Variants in CSMD1 observed in about 807,000 individuals in gnomAD.
CSMD1 encodes CUB and sushi domain-containing protein 1.
CSMD1 carries 213 observed loss-of-function variants against 417.5 expected under a neutral mutation model. The ratio of observed to expected loss-of-function variants is 0.51; its 90% CI spans 0.46 to 0.57. The LOEUF is 0.57. Among genes scored for constraint, CSMD1 ranks in the 20% least tolerant of loss-of-function variants. CSMD1 has a pLI of 0.00. For missense variants in CSMD1, 6,923 were observed against 4,529.7 expected, an observed-to-expected ratio of 1.53 and a Z score of -15.17; for synonymous variants, 2,862 against 1,736.8, an observed-to-expected ratio of 1.65 and a Z score of -16.11.
chr8:4,260,888 G>A (rs1009172334), intron 3 of CSMD1, among the ~76,000 whole-genome samples: 7 of 152,256 alleles, frequency 4.6e-5, no homozygotes, highest in East Asian at 1.9e-4. Flanking sequence ...TGTCGTGTTT[G>A]ATATTATGAT....
At chr8:4,860,441 C>A (rs1802063005) in intron 1 of CSMD1, among the ~76,000 whole-genome samples, 1 of 151,834 alleles carries the variant, frequency 6.6e-6, no homozygotes, top group East Asian at 1.9e-4. Flanking sequence ...CCACTCCACC[C>A]TTGCTCTCTT....
intron 5 of CSMD1, among the ~76,000 whole-genome samples, chr8:3,894,903 G>T (rs534338335): frequency 1.3e-5 from 2 of 152,112 alleles, no homozygotes; most frequent in South Asian, 4.1e-4. Flanking sequence ...ATTACAGTGG[G>T]TTCCTAGTAT....
chr8:3,821,746 C>G (rs1441863670), intron 5 of CSMD1, among the ~76,000 whole-genome samples: 1 of 152,190 alleles, frequency 6.6e-6, no homozygotes, highest in Non-Finnish European at 1.5e-5. Flanking sequence ...CGCACCACTG[C>G]ACTCCAGCCT....
At chr8:3,961,859 C>T (rs1294233946) in intron 5 of CSMD1, among the ~76,000 whole-genome samples, 2 of 152,264 alleles carry the variant, frequency 1.3e-5, no homozygotes, top group Admixed American at 1.3e-4. Flanking sequence ...AGAGATGTCC[C>T]TTTAGTCCTA....
chr8:3,546,936 C>A (rs1798691929), intron 10 of CSMD1, among the ~76,000 whole-genome samples: 2 of 152,160 alleles, frequency 1.3e-5, no homozygotes, highest in South Asian at 4.1e-4. Flanking sequence ...GGGAGGATAT[C>A]AGAGGTCTTG....
intron 3 of CSMD1, among the ~76,000 whole-genome samples, chr8:4,198,562 A>G (rs1323519438): frequency 6.6e-6 from 1 of 152,130 alleles, no homozygotes; most frequent in African/African-American, 2.4e-5. Context: ...ACTTTCAGGA[A>G]CGTGCACAAG....
chr8:3,708,466 T>A lies in CSMD1; in HGVS notation c.957A>T (p.Ser319=). ...FQVKKAIELK[S]RGVKMLPSKD... ...TGCTGGGCAGCATCTTGACTCCTCT[T>A]GACTTCAACTCAATCGCCTTTTTCA... Residue 319 remains serine, a synonymous_variant, in exon 7 of 70, where the codon TCA becomes TCT. Transcript: ENST00000635120. 2 of 1,613,950 alleles carry A rather than the reference T, an allele frequency of 1.2e-6. No homozygotes were observed. Among genetic ancestry groups the A allele is most frequent in the Non-Finnish European group, 1.7e-6 (2 of 1,179,872 alleles).
At chr8:2,962,378 T>C (rs1048442659) in intron 61 of CSMD1, 88 bp downstream of exon 61, 73 of 1,189,080 alleles carry the variant, frequency 6.1e-5, no homozygotes, top group Non-Finnish European at 8.0e-5. Context: ...ACACTTTCTA[T>C]GTAATCACAA....
chr8:4,013,112 G>A (rs577128103), intron 4 of CSMD1, among the ~76,000 whole-genome samples: 36 of 152,160 alleles, frequency 2.4e-4, no homozygotes, highest in Middle Eastern at 3.4e-3. Context: ...ACACGATGTC[G>A]TTTTTCTTCT....
intron 6 of CSMD1, among the ~76,000 whole-genome samples, chr8:3,729,248 T>C (rs572537924): frequency 1.3e-5 from 2 of 152,306 alleles, no homozygotes; most frequent in African/African-American, 4.8e-5. Flanking sequence ...GCCTTTTTAA[T>C]GACTGACGGC....
At chr8:4,537,321 G>A (rs530430339) in intron 2 of CSMD1, among the ~76,000 whole-genome samples, 6 of 152,178 alleles carry the variant, frequency 3.9e-5, no homozygotes, top group South Asian at 2.1e-4. Context: ...TTAAAGATGC[G>A]ACTTAATAAA....
chr8:4,400,575 T>C (rs1356446685), intron 3 of CSMD1, among the ~76,000 whole-genome samples: 1 of 152,236 alleles, frequency 6.6e-6, no homozygotes, highest in Non-Finnish European at 1.5e-5. Context: ...CAGCCATTAC[T>C]TTCATTAGAG....
intron 5 of CSMD1, among the ~76,000 whole-genome samples, chr8:3,990,918 T>C (rs67749507): frequency 0.21 from 32,128 of 152,162 alleles, 3,581 homozygotes; most frequent in African/African-American, 0.29. Flanking sequence ...AGACCCTTCC[T>C]TCACTGCCTG....
In CSMD1 at chr8:4,593,245, T is replaced by G. The variant is rs2130738551; in HGVS notation, c.302+44097A>C. On this transcript the variant is annotated intron_variant, in intron 2 of 69. Transcript: ENST00000635120. ...GCTGAAAAGCAAGGTTAATGGAATT[T>G]CCGCAGGAACATGAGCGTTAATATG... is the stretch of plus-strand genomic sequence containing the variant. Among the ~76,000 whole-genome samples the G allele has an allele frequency of 2.0e-5, 3 of 152,340 alleles. No homozygotes were observed. In the South Asian group the frequency reaches 6.2e-4, roughly 32 times the overall value.
At chr8:4,180,030 A>G (rs10099788) in intron 3 of CSMD1, among the ~76,000 whole-genome samples, 149,514 of 152,142 alleles carry the variant, frequency 0.98, 73,517 homozygotes, top group Middle Eastern at 1. Context: ...CGATTCCTCA[A>G]GGACCTAGAA....
At chr8:3,103,961 T>C (rs1233533898) in intron 46 of CSMD1, among the ~76,000 whole-genome samples, 22 of 151,848 alleles carry the variant, frequency 1.4e-4, no homozygotes, top group Admixed American at 1.4e-3. Context: ...CACGGTGGTC[T>C]TGAACTCCTA....
At chr8:3,218,403 T>G (rs1180940471) in intron 29 of CSMD1, among the ~76,000 whole-genome samples, 1 of 149,982 alleles carries the variant, frequency 6.7e-6, no homozygotes, top group African/African-American at 2.5e-5. Flanking sequence ...CTACTAAAAA[T>G]ACAAAAAATC....
intron 3 of CSMD1, among the ~76,000 whole-genome samples, chr8:4,090,425 G>C (rs1035920143): frequency 6.6e-6 from 1 of 151,952 alleles, no homozygotes; most frequent in African/African-American, 2.4e-5. Flanking sequence ...GTCTTGATTG[G>C]ACGTGTTTAA....
chr8:3,946,606 C>T (rs185014783), intron 5 of CSMD1, among the ~76,000 whole-genome samples: 78 of 152,226 alleles, frequency 5.1e-4, no homozygotes, highest in Middle Eastern at 3.4e-3. Flanking sequence ...GGGCTCTTGA[C>T]TGGAATTGTG....
Sources: gnomAD v4.1 joint callset for allele counts (sites outside exome capture counted in the v4.1 genomes callset) on GRCh38, gnomAD v4.1.1 for gene constraint, MANE v1.5 for transcripts, NCBI Gene and HGNC (gene_info 2026-07-23, HGNC 2026-07-21) for gene names.